The following PDE7B variants were observed in gnomAD, a reference collection of about 807,000 sequenced individuals.
PDE7B encodes the protein phosphodiesterase 7B.
PDE7B carries 29 observed loss-of-function variants against 56.2 expected under a neutral mutation model. The observed-to-expected ratio is 0.52, with a 90% CI of 0.38 to 0.70. The LOEUF (loss-of-function observed/expected upper bound fraction) is 0.70, where lower values mean the gene tolerates loss of function less well. PDE7B is among the 30% of genes least tolerant of loss of function. PDE7B has a pLI of 0.00. For missense variants in PDE7B, 490 were observed against 565.0 expected (o/e 0.87, Z 1.35); for synonymous variants, 197 against 196.9 (o/e 1.00, Z 0.00).
chr6:136,053,124 A>G (rs1421857789), intron 2 of PDE7B, among the ~76,000 whole-genome samples: 2 of 151,886 alleles, frequency 1.3e-5, no homozygotes, highest in Non-Finnish European at 2.9e-5. Flanking sequence ...TTTGTTACAT[A>G]TGTATACATG....
chr6:135,916,636 C>T (rs1773954691), intron 1 of PDE7B, among the ~76,000 whole-genome samples: 1 of 151,904 alleles, frequency 6.6e-6, no homozygotes, highest in Non-Finnish European at 1.5e-5. Context: ...CATGATCCAC[C>T]TGCCTCAGCC....
intron 5 of PDE7B, among the ~76,000 whole-genome samples, chr6:136,149,825 C>G (rs568135693): frequency 6.6e-6 from 1 of 152,166 alleles, no homozygotes; most frequent in Non-Finnish European, 1.5e-5. Flanking sequence ...TGATAGGTCT[C>G]TTTTAAGTCA....
intron 1 of PDE7B, among the ~76,000 whole-genome samples, chr6:135,917,651 T>C (rs962270536): frequency 6.6e-6 from 1 of 152,228 alleles, no homozygotes; most frequent in Admixed American, 6.5e-5. Context: ...TCATTTCCTT[T>C]GCACATCCAG....
At chr6:136,076,769 A>C (rs1259575764) in intron 2 of PDE7B, among the ~76,000 whole-genome samples, 1 of 152,126 alleles carries the variant, frequency 6.6e-6, no homozygotes, top group Admixed American at 6.5e-5. Flanking sequence ...AAAGTATGCT[A>C]TTCTGGACAA....
intron 2 of PDE7B, among the ~76,000 whole-genome samples, chr6:135,984,030 G>T (rs1775339058): frequency 6.6e-6 from 1 of 152,218 alleles, no homozygotes; most frequent in African/African-American, 2.4e-5. Flanking sequence ...AATAAATGTG[G>T]TCCATCTTTC....
At chr6:135,930,045 C>G (rs1290532335) in intron 1 of PDE7B, among the ~76,000 whole-genome samples, 1 of 152,152 alleles carries the variant, frequency 6.6e-6, no homozygotes, top group Non-Finnish European at 1.5e-5. Flanking sequence ...TGTTTTCACA[C>G]TGCTGATAAA....
intron 2 of PDE7B, among the ~76,000 whole-genome samples, chr6:135,979,381 G>A (rs1775253297): frequency 6.6e-6 from 1 of 151,772 alleles, no homozygotes; most frequent in African/African-American, 2.4e-5. Context: ...TCAGGATGAT[G>A]CTGGCCTCAT....
At chr6:135,855,416 A>G (rs1775007425) in intron 1 of PDE7B, among the ~76,000 whole-genome samples, 1 of 152,190 alleles carries the variant, frequency 6.6e-6, no homozygotes, top group Admixed American at 6.5e-5. Context: ...GAGAAGTCTG[A>G]GAAGGAGGCA....
At chr6:136,148,238 C>T (rs913303161) in intron 4 of PDE7B, among the ~76,000 whole-genome samples, 3 of 151,818 alleles carry the variant, frequency 2.0e-5, no homozygotes, top group Non-Finnish European at 4.4e-5. Flanking sequence ...GCCTGTAAAT[C>T]CCAGTACTTT....
chr6:136,130,195 G>T (rs1411116876), intron 3 of PDE7B, among the ~76,000 whole-genome samples: 1 of 152,174 alleles, frequency 6.6e-6, no homozygotes, highest in African/African-American at 2.4e-5. Context: ...GTCTCATAGA[G>T]CGCAACTCTC....
At chr6:136,172,777 T>G (rs868219698) in intron 8 of PDE7B, among the ~76,000 whole-genome samples, 1 of 152,268 alleles carries the variant, frequency 6.6e-6, no homozygotes, top group African/African-American at 2.4e-5. Context: ...GGTCTAACGT[T>G]TAAGTCTTTA....
At chr6:136,133,565 C>T (rs1301901700) in intron 3 of PDE7B, among the ~76,000 whole-genome samples, 1 of 152,148 alleles carries the variant, frequency 6.6e-6, no homozygotes, top group Non-Finnish European at 1.5e-5. Context: ...AGATAATGTA[C>T]TACAATAGAC....
intron 11 of PDE7B, 83 bp from the exon 12 acceptor site, chr6:136,186,953 G>A (rs1779154023): frequency 6.4e-6 from 5 of 781,610 alleles, no homozygotes; most frequent in South Asian, 3.0e-5. Flanking sequence ...AACTTCTTCC[G>A]ACGAGGTCAT....
intron 2 of PDE7B, among the ~76,000 whole-genome samples, chr6:136,029,154 T>C (rs1776198154): frequency 6.6e-6 from 1 of 152,222 alleles, no homozygotes. Flanking sequence ...AATGACATGA[T>C]TATAAATTAT....
At chr6:135,954,255 A>G (rs1299671736) in intron 2 of PDE7B, among the ~76,000 whole-genome samples, 3 of 152,192 alleles carry the variant, frequency 2.0e-5, no homozygotes, top group African/African-American at 4.8e-5. Context: ...AGTATCCAGC[A>G]TCTGGAACAT....
In PDE7B at chr6:136,192,844, T is replaced by G. The variant is rs1019099982; in HGVS notation, c.*1004T>G. On this transcript the variant is annotated 3_prime_UTR_variant, in exon 13 of 13. Transcript: ENST00000308191. ...TTCATCTTCTGAAAGCTGCCCAACTTAAATCCTCATAGATGTCTTTCTCAA... is the reference window on the plus strand; with the variant it reads ...TTCATCTTCTGAAAGCTGCCCAACTGAAATCCTCATAGATGTCTTTCTCAA... 1.3e-5 allele frequency: 2 copies of G among 152,486 alleles called. No individual in the cohort carries two copies. The highest frequency in any genetic ancestry group is 4.1e-4 in the South Asian group (2 of 4,834). The allele number at this position is 152,486 out of a possible 1,614,324, so 9.4% of individuals were successfully genotyped here.
intron 2 of PDE7B, among the ~76,000 whole-genome samples, chr6:136,015,837 C>A (rs1297836516): frequency 6.6e-6 from 1 of 151,990 alleles, no homozygotes; most frequent in Non-Finnish European, 1.5e-5. Context: ...ACAGTTTTGG[C>A]AGCAAAAACA....
intron 3 of PDE7B, among the ~76,000 whole-genome samples, chr6:136,117,499 AC>A (rs1426384611): frequency 6.6e-6 from 1 of 152,246 alleles, no homozygotes; most frequent in African/African-American, 2.4e-5. Context: ...CAGGGTTCAC[AC>A]ACAAGATCAA....
intron 2 of PDE7B, among the ~76,000 whole-genome samples, chr6:136,027,556 G>A (rs1407746064): frequency 1.3e-5 from 2 of 151,936 alleles, no homozygotes; most frequent in Non-Finnish European, 2.9e-5. Context: ...AAATTTCTAA[G>A]ACACTGTTTT....
Sources: allele counts gnomAD v4.1 joint callset (sites outside exome capture counted in the v4.1 genomes callset), GRCh38; gene constraint gnomAD v4.1.1; transcripts MANE v1.5; gene names NCBI Gene and HGNC (gene_info 2026-07-23, HGNC 2026-07-21).